Variants in PRKCB observed in about 807,000 individuals in gnomAD.
The protein encoded by PRKCB is protein kinase C beta type.
In PRKCB, 13 loss-of-function variants were observed where a neutral mutation model predicts 81.5. The observed-to-expected ratio is 0.16, with a 90% CI of 0.10 to 0.25. PRKCB has a LOEUF of 0.25. Among genes scored for constraint, PRKCB ranks in the 10% least tolerant of loss-of-function variants. PRKCB has a pLI of 1.00. For missense variants in PRKCB, 509 were observed against 875.7 expected, an observed-to-expected ratio of 0.58 and a Z score of 5.29; for synonymous variants, 335 against 321.4, an observed-to-expected ratio of 1.04 and a Z score of -0.45.
At position 23,866,850 on chromosome 16, in the gene PRKCB, A is replaced by T. The variant is rs539949471; in HGVS notation, c.205+29444A>T. 5.9e-5 allele frequency among the ~76,000 whole-genome samples: 9 copies of T among 152,258 alleles called. No individual in the cohort carries two copies. The South Asian group carries it at 1.7e-3, about 28-fold the overall frequency. On this transcript the variant is annotated intron_variant, in intron 2 of 16. Transcript: ENST00000643927. ...CCAGACCATGATATTATCAGGCCTTAACACTTTTGCCAATCTGATGGGAGA... is the reference window on the plus strand; with the variant it reads ...CCAGACCATGATATTATCAGGCCTTTACACTTTTGCCAATCTGATGGGAGA...
At chr16:23,955,091 G>T (rs963530111) in intron 2 of PRKCB, among the ~76,000 whole-genome samples, 10 of 151,986 alleles carry the variant, frequency 6.6e-5, no homozygotes, top group Non-Finnish European at 1.5e-4. Flanking sequence ...TTACACACAG[G>T]TGTGTGTGTA....
intron 2 of PRKCB, among the ~76,000 whole-genome samples, chr16:23,857,041 C>A (rs1962579622): frequency 6.6e-6 from 1 of 151,792 alleles, no homozygotes; most frequent in Non-Finnish European, 1.5e-5. Flanking sequence ...GCTTTGAATT[C>A]TTTATAATTA....
chr16:24,219,834 A>C lies in PRKCB; in HGVS notation c.*5018A>C. On this transcript the variant is annotated 3_prime_UTR_variant, in exon 17 of 17. Coordinates refer to ENST00000643927, the MANE Select transcript of PRKCB (RefSeq NM_002738.7). ...CAGTGCGTGGAGTGCAGCTGCTAAAAATTTTCAGCACAGGGCTCTTTCTGA... is the reference window on the plus strand; with the variant it reads ...CAGTGCGTGGAGTGCAGCTGCTAAACATTTTCAGCACAGGGCTCTTTCTGA... 2.1e-6 allele frequency: 3 copies of C among 1,427,806 alleles called. No individual in the cohort carries two copies. Among genetic ancestry groups the C allele is most frequent in the Non-Finnish European group, 2.8e-6 (3 of 1,089,200 alleles). 88.4% of individuals were successfully genotyped at this position (1,427,806 alleles called of 1,614,324 possible). A position where few individuals can be genotyped will look rare whatever the true frequency, so the allele number is the denominator to read the frequency against.
chr16:24,025,017 A>T (rs1158732560), intron 3 of PRKCB, among the ~76,000 whole-genome samples: 1 of 152,088 alleles, frequency 6.6e-6, no homozygotes, highest in Non-Finnish European at 1.5e-5. Flanking sequence ...TGGTGCCTAC[A>T]AGTATGATCC....
intron 11 of PRKCB, among the ~76,000 whole-genome samples, chr16:24,172,733 C>T (rs1967462741): frequency 6.6e-6 from 1 of 152,054 alleles, no homozygotes; most frequent in South Asian, 2.1e-4. Flanking sequence ...GTAGTCTCTC[C>T]TAAAAATAAA....
intron 5 of PRKCB, among the ~76,000 whole-genome samples, chr16:24,067,353 G>A (rs1475075731): frequency 6.6e-6 from 1 of 151,920 alleles, no homozygotes; most frequent in Non-Finnish European, 1.5e-5. Flanking sequence ...AGGCTGGAGT[G>A]CAGTGGTGCA....
intron 8 of PRKCB, among the ~76,000 whole-genome samples, chr16:24,118,062 G>A (rs995270692): frequency 6.6e-6 from 1 of 152,338 alleles, no homozygotes; most frequent in South Asian, 2.1e-4. Flanking sequence ...CATGCTGGTG[G>A]TGTCTTGGAG....
intron 1 of PRKCB, among the ~76,000 whole-genome samples, chr16:23,836,874 G>A (rs545527138): frequency 9.3e-5 from 14 of 150,942 alleles, no homozygotes; most frequent in African/African-American, 2.7e-4. Flanking sequence ...ATCTCCCATT[G>A]CCCCTCCCCG....
chr16:24,212,439 T>C (rs1332343916), intron 16 of PRKCB, among the ~76,000 whole-genome samples: 2 of 136,610 alleles, frequency 1.5e-5, no homozygotes, highest in African/African-American at 5.2e-5. Flanking sequence ...TCAAGACCTC[T>C]CTCCTCCTGT....
chr16:24,184,465 GA>G, intron 13 of PRKCB, among the ~76,000 whole-genome samples: 1 of 148,732 alleles, frequency 6.7e-6, no homozygotes, highest in South Asian at 2.1e-4. Flanking sequence ...AAAAAAAAAA[GA>G]AAAGAAAAAA....
At chr16:24,064,257 G>A (rs1161566130) in intron 5 of PRKCB, among the ~76,000 whole-genome samples, 1 of 151,610 alleles carries the variant, frequency 6.6e-6, no homozygotes, top group African/African-American at 2.4e-5. Context: ...GATAGATATA[G>A]CATTGATTTT....
chr16:24,213,570 T>A (rs898542072), intron 16 of PRKCB, among the ~76,000 whole-genome samples: 7 of 152,238 alleles, frequency 4.6e-5, no homozygotes, highest in African/African-American at 1.7e-4. Flanking sequence ...TGCACTGGTA[T>A]ATAGCAAATG....
intron 2 of PRKCB, among the ~76,000 whole-genome samples, chr16:23,919,113 T>A (rs1255115265): frequency 6.6e-6 from 1 of 152,222 alleles, no homozygotes; most frequent in African/African-American, 2.4e-5. Flanking sequence ...TTAACACGTA[T>A]TTTTTAAAGG....
At chr16:23,931,114 G>A (rs1376749957) in intron 2 of PRKCB, among the ~76,000 whole-genome samples, 1 of 152,226 alleles carries the variant, frequency 6.6e-6, no homozygotes, top group Admixed American at 6.5e-5. Context: ...GATTGGCATT[G>A]TTAGGGGTCA....
intron 3 of PRKCB, among the ~76,000 whole-genome samples, chr16:24,009,841 C>A (rs980235761): frequency 7.2e-5 from 11 of 151,972 alleles, no homozygotes; most frequent in African/African-American, 2.7e-4. Context: ...ATGGCAGAAC[C>A]CCGTCCCTGC....
intron 2 of PRKCB, among the ~76,000 whole-genome samples, chr16:23,849,026 G>C (rs1567288949): frequency 6.6e-6 from 1 of 152,200 alleles, no homozygotes; most frequent in Non-Finnish European, 1.5e-5. Flanking sequence ...CCTTACAGTG[G>C]ATCTTAGAGA....
chr16:23,987,694 G>A (rs1326757788), intron 2 of PRKCB, among the ~76,000 whole-genome samples: 1 of 152,062 alleles, frequency 6.6e-6, no homozygotes, highest in Non-Finnish European at 1.5e-5. Context: ...CTTTAGAAAG[G>A]CTCTGAGCTG....
chr16:24,121,617 T>C (rs553932668), intron 8 of PRKCB, among the ~76,000 whole-genome samples: 61 of 152,260 alleles, frequency 4.0e-4, no homozygotes, highest in African/African-American at 1.4e-3. Flanking sequence ...CCTCAAGCAG[T>C]CCTGCCTCAG....
At chr16:24,035,305 C>T (rs1361413693) in intron 4 of PRKCB, 114 bp from the exon 5 acceptor site, 2 of 1,379,848 alleles carry the variant, frequency 1.4e-6, no homozygotes, top group African/African-American at 2.9e-5. Context: ...TCGTGTGTCT[C>T]AGCTGTCTCA....
Sources: gnomAD v4.1 joint callset for allele counts (sites outside exome capture counted in the v4.1 genomes callset) on GRCh38, gnomAD v4.1.1 for gene constraint, MANE v1.5 for transcripts, NCBI Gene and HGNC (gene_info 2026-07-23, HGNC 2026-07-21) for gene names.